FHAD1: variants seen among roughly 807,000 people sequenced by gnomAD.
FHAD1 encodes the protein forkhead-associated domain-containing protein 1.
A neutral mutation model predicts 191.3 loss-of-function variants in FHAD1; 146 were observed. That is an observed-to-expected ratio of 0.76 (90% confidence interval 0.67 to 0.88). The LOEUF is 0.88. Among genes scored for constraint, FHAD1 ranks in the 40% least tolerant of loss-of-function variants. The probability of loss-of-function intolerance (pLI) is 0.00; values close to 1 mark genes in which losing one functional copy is unlikely to be tolerated. For synonymous variants in FHAD1, 616 were observed against 672.3 expected, an observed-to-expected ratio of 0.92 and a Z score of 1.29; for missense variants, 1,635 against 1,785.8, an observed-to-expected ratio of 0.92 and a Z score of 1.52.
At chr1:15,362,541 G>GT in intron 22 of FHAD1, 101 bp from the exon 23 acceptor site, 1 of 920,212 alleles carries the variant, frequency 1.1e-6, no homozygotes. Flanking sequence ...AGGGCTGCAG[G>GT]TGGAGGCAGG....
chr1:15,332,489 T>C (rs1255682034), intron 14 of FHAD1, among the ~76,000 whole-genome samples: 3 of 152,102 alleles, frequency 2.0e-5, no homozygotes, highest in Non-Finnish European at 4.4e-5. Context: ...AGGAGGATCA[T>C]TTAAGGCTTG....
chr1:15,364,567 G>A (rs1347371805), intron 23 of FHAD1, among the ~76,000 whole-genome samples: 6 of 152,054 alleles, frequency 3.9e-5, no homozygotes, highest in Admixed American at 1.3e-4. Flanking sequence ...CTGAGATCAC[G>A]CCACTGCACT....
At chr1:15,330,246 G>C (rs539950612) in intron 14 of FHAD1, among the ~76,000 whole-genome samples, 1 of 152,206 alleles carries the variant, frequency 6.6e-6, no homozygotes, top group East Asian at 1.9e-4. Flanking sequence ...ATCATGCTGG[G>C]ATGAACATTG....
At position 15,322,958 on chromosome 1, in the gene FHAD1, A is replaced by T. The variant is rs147143620; in HGVS notation, c.1366-1494A>T. ...AGAATCATGGCGGGAGGCGAAAGGC[A>T]CTTCTTACATGGCGGTGGCAAGGGA... On this transcript the variant is annotated intron_variant, in intron 10 of 33. Transcript: ENST00000688493. 3.2e-3 allele frequency among the ~76,000 whole-genome samples: 493 copies of T among 152,270 alleles called. 5 individuals are homozygous for T. Among genetic ancestry groups the T allele is most frequent in the Non-Finnish European group, 4.3e-3 (290 of 68,020 alleles).
intron 16 of FHAD1, among the ~76,000 whole-genome samples, chr1:15,344,789 C>G (rs1688200146): frequency 6.6e-6 from 1 of 152,236 alleles, no homozygotes; most frequent in African/African-American, 2.4e-5. Flanking sequence ...GCATCCACCC[C>G]TCACATCAAC....
At chr1:15,365,241 G>A (rs1696033706) in intron 23 of FHAD1, among the ~76,000 whole-genome samples, 2 of 152,164 alleles carry the variant, frequency 1.3e-5, no homozygotes, top group South Asian at 2.1e-4. Context: ...CATGATGGTG[G>A]GTAGTGGGTA....
At chr1:15,343,551 A>C (rs1185686051) in intron 16 of FHAD1, among the ~76,000 whole-genome samples, 9 of 151,904 alleles carry the variant, frequency 5.9e-5, no homozygotes. Flanking sequence ...GTTACCCCAA[A>C]ACATCAGTCT....
chr1:15,357,093 T>C (rs1693050816), intron 20 of FHAD1, among the ~76,000 whole-genome samples: 2 of 152,180 alleles, frequency 1.3e-5, no homozygotes, highest in Admixed American at 1.3e-4. Context: ...AAAGTGGAGT[T>C]GCTGAGTCAC....
In FHAD1 at chr1:15,313,203, T is replaced by C; in HGVS notation, c.1170+16T>C. The C allele has an allele frequency of 6.4e-7, 1 of 1,551,312 alleles. No individual in the cohort carries two copies. Among genetic ancestry groups the C allele is most frequent in the South Asian group, 1.2e-5 (1 of 83,982 alleles). On this transcript the variant is annotated intron_variant, in intron 8 of 33. Coordinates refer to ENST00000688493, the MANE Select transcript of FHAD1 (RefSeq NM_001391957.1). The stretch of plus-strand genomic sequence containing the variant: ...TGGCTCTAGAGTGAGTAAGGATGAC[T>C]GCGTCACCTTGTAGCCATCCGGTGA...
intron 31 of FHAD1, chr1:15,383,026 A>G (rs763571683): frequency 2.2e-6 from 1 of 464,864 alleles, no homozygotes; most frequent in African/African-American, 2.0e-5. Flanking sequence ...GCGCACGCGC[A>G]CACACTCTGG....
At chr1:15,364,576 C>T (rs1311705483) in intron 23 of FHAD1, among the ~76,000 whole-genome samples, 2 of 152,068 alleles carry the variant, frequency 1.3e-5, no homozygotes, top group African/African-American at 4.8e-5. Flanking sequence ...CGCCACTGCA[C>T]TCCAGCCTGG....
chr1:15,254,157 C>T (rs1187051826), intron 2 of FHAD1, among the ~76,000 whole-genome samples: 1 of 152,144 alleles, frequency 6.6e-6, no homozygotes, highest in Non-Finnish European at 1.5e-5. Flanking sequence ...TGTATCATAA[C>T]AAGGGGTAGA....
chr1:15,379,300 A>G (rs909067635), intron 28 of FHAD1, among the ~76,000 whole-genome samples: 3 of 152,350 alleles, frequency 2.0e-5, no homozygotes, highest in African/African-American at 7.2e-5. Context: ...TGCATCATAG[A>G]CAAGGTAAAG....
chr1:15,368,949 A>G (rs985913919), intron 25 of FHAD1, among the ~76,000 whole-genome samples: 1 of 152,154 alleles, frequency 6.6e-6, no homozygotes, highest in Admixed American at 6.5e-5. Flanking sequence ...ATCTAAAAAA[A>G]AAAATAGCCA....
chr1:15,323,737 A>G (rs995429929), intron 10 of FHAD1, among the ~76,000 whole-genome samples: 2 of 152,184 alleles, frequency 1.3e-5, no homozygotes, highest in African/African-American at 2.4e-5. Context: ...GGCAGCACCG[A>G]ACACGCCCAA....
At chr1:15,297,986 T>C (rs1218944387) in intron 5 of FHAD1, among the ~76,000 whole-genome samples, 1 of 152,164 alleles carries the variant, frequency 6.6e-6, no homozygotes, top group Non-Finnish European at 1.5e-5. Flanking sequence ...CTTAAAGAAC[T>C]AAAAACAGAG....
At chr1:15,246,127 A>G (rs919410535), upstream of FHAD1, among the ~76,000 whole-genome samples, 2 of 152,192 alleles carry the variant, frequency 1.3e-5, no homozygotes, top group African/African-American at 4.8e-5. Context: ...AGCATGTTGT[A>G]ACATGGTGTA....
intron 23 of FHAD1, chr1:15,364,128 A>G (rs962335891): frequency 4.6e-6 from 1 of 218,932 alleles, no homozygotes; most frequent in South Asian, 7.2e-5. Flanking sequence ...TTTATCCTCA[A>G]GTTGGAAGAT....
intron 10 of FHAD1, among the ~76,000 whole-genome samples, chr1:15,323,135 G>A (rs1184260491): frequency 1.3e-5 from 2 of 152,170 alleles, no homozygotes; most frequent in Admixed American, 6.5e-5. Context: ...GGAATTCTGG[G>A]AGATACAATT....
Sources: gnomAD v4.1 joint callset for allele counts (sites outside exome capture counted in the v4.1 genomes callset) on GRCh38, gnomAD v4.1.1 for gene constraint, MANE v1.5 for transcripts, NCBI Gene and HGNC (gene_info 2026-07-23, HGNC 2026-07-21) for gene names.